The following CLVS1 variants were observed in gnomAD, a reference collection of about 807,000 sequenced individuals.
The protein encoded by CLVS1 is clavesin 1, also known as clavesin-1.
CLVS1 carries 10 observed loss-of-function variants against 33.1 expected under a neutral mutation model. That is an observed-to-expected ratio of 0.30 (90% CI 0.19 to 0.51). The LOEUF (loss-of-function observed/expected upper bound fraction) is 0.51, where lower values mean the gene tolerates loss of function less well. CLVS1 is among the 20% of genes least tolerant of loss of function. CLVS1 has a pLI of 0.97. For missense variants in CLVS1, 343 were observed against 433.4 expected (o/e 0.79, Z 1.85); for synonymous variants, 163 against 166.1 (o/e 0.98, Z 0.14).
intron 3 of CLVS1, among the ~76,000 whole-genome samples, chr8:61,451,667 G>A (rs1310897519): frequency 1.3e-5 from 2 of 152,094 alleles, no homozygotes. Flanking sequence ...AGACTTTTGT[G>A]TGACTGACAA....
chr8:61,228,017 TG>T (rs1808364601), intron 2 of CLVS1, among the ~76,000 whole-genome samples: 1 of 152,120 alleles, frequency 6.6e-6, no homozygotes, highest in East Asian at 1.9e-4. Context: ...AAAAAACGAG[TG>T]CCCTTAGAAA....
chr8:61,306,291 T>A (rs1466042917), intron 2 of CLVS1, among the ~76,000 whole-genome samples: 2 of 152,254 alleles, frequency 1.3e-5, no homozygotes, highest in Non-Finnish European at 2.9e-5. Context: ...TGATCAGTGA[T>A]GTTGAGCCTT....
At chr8:61,292,311 T>C (rs1179086373) in intron 1 of CLVS1, 3 of 456,010 alleles carry the variant, frequency 6.6e-6, no homozygotes, top group Non-Finnish European at 1.3e-5. Flanking sequence ...TGTTTTACTT[T>C]TCCCAGGCAG....
At chr8:61,229,827 G>A (rs1167535197) in intron 2 of CLVS1, among the ~76,000 whole-genome samples, 1 of 152,066 alleles carries the variant, frequency 6.6e-6, no homozygotes, top group Admixed American at 6.6e-5. Context: ...AGAAGGTTTC[G>A]CCATGGTGAC....
chr8:61,323,887 T>C (rs907726563), intron 2 of CLVS1, among the ~76,000 whole-genome samples: 4 of 152,136 alleles, frequency 2.6e-5, no homozygotes, highest in Non-Finnish European at 5.9e-5. Context: ...AGTCAGAACA[T>C]GCAGTGTTTT....
intron 3 of CLVS1, among the ~76,000 whole-genome samples, chr8:61,416,427 A>G (rs1372865232): frequency 1.3e-4 from 20 of 152,218 alleles, no homozygotes; most frequent in Non-Finnish European, 1.2e-4. Context: ...GTTCATCCCA[A>G]GAGGATCTGT....
At chr8:61,249,060 C>T (rs73265481) in intron 2 of CLVS1, among the ~76,000 whole-genome samples, 6,267 of 152,102 alleles carry the variant, frequency 0.041, 446 homozygotes, top group African/African-American at 0.14. Context: ...GCTATTCTTC[C>T]CCAAGTCCCC....
At chr8:61,197,723 T>C (rs543094139) in intron 2 of CLVS1, among the ~76,000 whole-genome samples, 1 of 152,228 alleles carries the variant, frequency 6.6e-6, no homozygotes, top group South Asian at 2.1e-4. Flanking sequence ...TTTGGCCATG[T>C]TGGCCAGGCT....
At chr8:61,237,062 A>G (rs751990419) in intron 2 of CLVS1, among the ~76,000 whole-genome samples, 9 of 152,306 alleles carry the variant, frequency 5.9e-5, no homozygotes, top group East Asian at 5.8e-4. Flanking sequence ...TGACGTCCCA[A>G]AGAGAAATAT....
chr8:61,154,217 T>TG (rs1554540758), intron 2 of CLVS1, among the ~76,000 whole-genome samples: 24 of 151,924 alleles, frequency 1.6e-4, no homozygotes, highest in African/African-American at 4.6e-4. Context: ...TTTTGTTTTT[T>TG]TTTGTTTGTT....
chr8:61,372,792 A>C (rs1691515927), intron 2 of CLVS1, among the ~76,000 whole-genome samples: 1 of 152,144 alleles, frequency 6.6e-6, no homozygotes, highest in Non-Finnish European at 1.5e-5. Flanking sequence ...CTCAATTGGA[A>C]TTTGTCTAAT....
the CLVS1 span, among the ~76,000 whole-genome samples, chr8:61,022,258 T>G: frequency 6.6e-6 from 1 of 152,252 alleles, no homozygotes; most frequent in Admixed American, 6.5e-5. Flanking sequence ...AGGGAGATTC[T>G]GTTTTCCAAG....
intron 3 of CLVS1, among the ~76,000 whole-genome samples, chr8:61,379,969 G>A (rs1000769461): frequency 1.3e-5 from 2 of 152,176 alleles, no homozygotes; most frequent in South Asian, 2.1e-4. Context: ...TGTTATCTGA[G>A]GACTTTCTGG....
chr8:60,966,821 A>G, the CLVS1 span, among the ~76,000 whole-genome samples: 1 of 152,346 alleles, frequency 6.6e-6, no homozygotes, highest in Admixed American at 6.5e-5. Flanking sequence ...TTGTATTTTT[A>G]CGTTTCCAGG....
At chr8:61,005,598 C>T in the CLVS1 span, among the ~76,000 whole-genome samples, 6 of 152,126 alleles carry the variant, frequency 3.9e-5, no homozygotes, top group South Asian at 2.1e-4. Context: ...AACGCTTCTC[C>T]GAATAAACCC....
At chr8:61,176,840 TCCCACTCATGAG>T (rs1807121540) in intron 2 of CLVS1, among the ~76,000 whole-genome samples, 1 of 152,126 alleles carries the variant, frequency 6.6e-6, no homozygotes, top group African/African-American at 2.4e-5. Context: ...GATTGAAAGA[TCCCACTCATGAG>T]CCCACACCAT....
At chr8:61,482,897 A>G (rs897698243) in intron 5 of CLVS1, among the ~76,000 whole-genome samples, 4 of 152,208 alleles carry the variant, frequency 2.6e-5, no homozygotes, top group Non-Finnish European at 5.9e-5. Context: ...AACCAATGAG[A>G]ACAAAGACAC....
intron 3 of CLVS1, among the ~76,000 whole-genome samples, chr8:61,397,420 T>C (rs1008231757): frequency 6.6e-6 from 1 of 152,190 alleles, no homozygotes; most frequent in Non-Finnish European, 1.5e-5. Context: ...AAGAGAAACA[T>C]GTCTGCATAT....
chr8:61,384,872 G>A (rs1814019831), intron 3 of CLVS1, among the ~76,000 whole-genome samples: 1 of 152,110 alleles, frequency 6.6e-6, no homozygotes, highest in African/African-American at 2.4e-5. Context: ...CTGGAGAATG[G>A]GGAGATCGGG....
Sources: allele counts gnomAD v4.1 joint callset (sites outside exome capture counted in the v4.1 genomes callset), GRCh38; gene constraint gnomAD v4.1.1; transcripts MANE v1.5; gene names NCBI Gene and HGNC (gene_info 2026-07-23, HGNC 2026-07-21).